Variants in PABPC1 observed in about 807,000 individuals in gnomAD.
The protein encoded by PABPC1 is poly(A) binding protein cytoplasmic 1.
PABPC1 carries 4 observed loss-of-function variants against 74.0 expected under a neutral mutation model. That is an observed-to-expected ratio of 0.05 (90% CI 0.03 to 0.12). The LOEUF (loss-of-function observed/expected upper bound fraction) is 0.12, where lower values mean the gene tolerates loss of function less well. Ranked by LOEUF, PABPC1 falls within the 10% of genes least tolerant of loss-of-function variation. The pLI is 1.00. For synonymous variants in PABPC1, 227 were observed against 264.1 expected (o/e 0.86, Z 1.36); for missense variants, 271 against 821.1 (o/e 0.33, Z 8.19).
rs1810822381 is a variant in PABPC1, at chr8:100,721,314, G to C, written c.193+77C>G. On this transcript the variant is annotated intron_variant, in intron 1 of 14. Transcript: ENST00000318607. This position sits in a 1 kb window ranked among gnomAD's most constrained non-coding sequence, Gnocchi z 7.4. ...CCCGCCCCCCTCCCCGGGCCCGCCG[G>C]CCTACCCCGCCCGCCGCCGCCGCCC... The C allele has an allele frequency of 1.3e-6, 1 of 777,078 alleles. No homozygotes were observed. The highest frequency in any genetic ancestry group is 1.6e-6 in the Non-Finnish European group (1 of 608,252). The allele number at this position is 777,078 out of a possible 1,614,324, so 48.1% of individuals were successfully genotyped here. A position where few individuals can be genotyped will look rare whatever the true frequency, so the allele number is the denominator to read the frequency against.
At chr8:100,703,512 G>T (rs1489663461) in intron 14 of PABPC1, among the ~76,000 whole-genome samples, 153 bp from the exon 15 acceptor site, 5 of 152,156 alleles carry the variant, frequency 3.3e-5, no homozygotes, top group African/African-American at 1.2e-4. Context: ...ATCTATGGTT[G>T]TCTTGACATG....
intron 7 of PABPC1, among the ~76,000 whole-genome samples, chr8:100,710,671 C>A (rs542117918): frequency 6.6e-6 from 1 of 152,152 alleles, no homozygotes; most frequent in Non-Finnish European, 1.5e-5. Context: ...GTGGAAAATT[C>A]GAAGAAAATA....
rs1214358090 is a variant in PABPC1 at position 100,705,686 on chromosome 8, TGA to T, written c.1603-15_1603-14del. On this transcript the variant is annotated splice_polypyrimidine_tract_variant and intron_variant, in intron 11 of 14. Transcript: ENST00000318607. ...CATGAACAGCAGGCTAGACAGAAAA[TGA>T]GAACTCTTAAGTTTAAAGCACAGAA... 3 of 1,564,882 alleles carry T rather than the reference TGA, an allele frequency of 1.9e-6. No homozygotes were observed. The Middle Eastern group carries it at 5.0e-4, about 262-fold the overall frequency.
intron 4 of PABPC1, among the ~76,000 whole-genome samples, chr8:100,714,215 C>T (rs969253685): frequency 5.9e-5 from 9 of 152,224 alleles, no homozygotes; most frequent in African/African-American, 1.9e-4. Context: ...CAGCATTACT[C>T]ATACGGTAGG....
At position 100,709,268 on chromosome 8, in the gene PABPC1, G is replaced by A. The variant is rs752151369; in HGVS notation, c.1246-45C>T. The A allele has an allele frequency of 3.2e-6, 5 of 1,538,504 alleles. No homozygotes were observed. In the African/African-American group the frequency reaches 4.1e-5, roughly 13 times the overall value. ...ATGAGTTTATCAGTTGAAGAAAAAA[G>A]CAAATAATGCAATAAATTATATGTA... On this transcript the variant is annotated intron_variant, in intron 8 of 14. Coordinates refer to ENST00000318607, the MANE Select transcript of PABPC1 (RefSeq NM_002568.4).
At chr8:100,713,028 C>T (rs1281855409) in intron 5 of PABPC1, 59 bp downstream of exon 5, 3 of 1,253,026 alleles carry the variant, frequency 2.4e-6, no homozygotes, top group African/African-American at 3.0e-5. Flanking sequence ...ACATAGACTT[C>T]AACACAAGAG....
intron 4 of PABPC1, among the ~76,000 whole-genome samples, chr8:100,713,418 T>G (rs1351332880): frequency 6.6e-6 from 1 of 152,214 alleles, no homozygotes; most frequent in African/African-American, 2.4e-5. Context: ...GGAGGTACAC[T>G]TTAAACGGCT....
chr8:100,705,721 G>T, intron 11 of PABPC1, 48 bp from the exon 12 acceptor site: 1 of 1,245,170 alleles, frequency 8.0e-7, no homozygotes, highest in Non-Finnish European at 1.2e-6. Context: ...GAAAAAGATG[G>T]CAAATACAAA....
rs1377549865 is a variant in PABPC1, at chr8:100,721,804, G to A, written c.-221C>T. 4.8e-6 allele frequency: 2 copies of A among 419,774 alleles called. No individual in the cohort carries two copies. The highest frequency in any genetic ancestry group is 8.5e-6 in the Non-Finnish European group (2 of 235,612). 26.0% of individuals were successfully genotyped at this position (419,774 alleles called of 1,614,324 possible). On this transcript the variant is annotated 5_prime_UTR_variant, in exon 1 of 15. Coordinates refer to ENST00000318607, the MANE Select transcript of PABPC1 (RefSeq NM_002568.4). The surrounding 1 kb of genome is among the most constrained non-coding windows in gnomAD (Gnocchi z 7.4). The stretch of plus-strand genomic sequence containing the variant: ...GGCGGGGAGCGAGGGTGGCGGTGTC[G>A]GGTCCGGGCAGCGGGAAGGCCTCGG...
chr8:100,713,006 C>A, intron 5 of PABPC1, 81 bp downstream of exon 5: 1 of 1,063,392 alleles, frequency 9.4e-7, no homozygotes, highest in South Asian at 1.6e-5. Flanking sequence ...TGTCAAATAG[C>A]TATTAGTATG....
chr8:100,721,709 CAACCGGAATTGAA>C lies in PABPC1; in HGVS notation c.-139_-127del. ...GGAGCAAGCGCAGAGGGACAAAAAT[CAACCGGAATTGAA>C]AACTACTCAACGGCCGCAGAACGGG... On this transcript the variant is annotated 5_prime_UTR_variant, in exon 1 of 15. Transcript: ENST00000318607. The surrounding 1 kb of genome is among the most constrained non-coding windows in gnomAD (Gnocchi z 7.4). The C allele has an allele frequency of 1.2e-6, 1 of 810,350 alleles. No individual in the cohort carries two copies. Among genetic ancestry groups the C allele is most frequent in the East Asian group, 3.1e-5 (1 of 31,812 alleles). The allele number at this position is 810,350 out of a possible 1,614,324, so 50.2% of individuals were successfully genotyped here.
intron 14 of PABPC1, 78 bp downstream of exon 14, chr8:100,704,219 T>C: frequency 1.8e-6 from 2 of 1,128,910 alleles, no homozygotes; most frequent in Non-Finnish European, 2.7e-6. Context: ...GCTATGTACA[T>C]TTCAAAATAT....
chr8:100,716,785 A>G (rs143704541), intron 3 of PABPC1, among the ~76,000 whole-genome samples: 140 of 152,352 alleles, frequency 9.2e-4, no homozygotes, highest in African/African-American at 3.3e-3. Context: ...CCTTGGCTCA[A>G]GCATCCTGCC....
At chr8:100,715,158 C>CACAT (rs1234644734) in intron 4 of PABPC1, among the ~76,000 whole-genome samples, 273 of 76,212 alleles carry the variant, frequency 3.6e-3, no homozygotes, top group African/African-American at 0.011. Flanking sequence ...CACACACACA[C>CACAT]ATATATATCT....
intron 7 of PABPC1, 42 bp from the exon 8 acceptor site, chr8:100,709,773 T>C: frequency 6.5e-7 from 1 of 1,541,462 alleles, no homozygotes; most frequent in Non-Finnish European, 8.7e-7. Context: ...AATGGTAGAA[T>C]GAGGAGCAAA....
Position 100,721,663 on chromosome 8 carries a change from G to T in PABPC1, c.-80C>A. 1 of 1,131,780 alleles carries T rather than the reference G, an allele frequency of 8.8e-7. No homozygotes were observed. Among genetic ancestry groups the T allele is most frequent in the Non-Finnish European group, 1.2e-6 (1 of 848,662 alleles). The allele number at this position is 1,131,780 out of a possible 1,614,324, so 70.1% of individuals were successfully genotyped here. A position where few individuals can be genotyped will look rare whatever the true frequency, so the allele number is the denominator to read the frequency against. On this transcript the variant is annotated 5_prime_UTR_variant, in exon 1 of 15. Coordinates refer to ENST00000318607, the MANE Select transcript of PABPC1 (RefSeq NM_002568.4). This position sits in a 1 kb window ranked among gnomAD's most constrained non-coding sequence, Gnocchi z 7.4. Reference sequence around the variant, plus strand: ...GAGCGAGTGCCGGGGCTGGGGGCCGGAGCCGGGGGGAGGGGAGCGGGGAGC... The same window carrying T: ...GAGCGAGTGCCGGGGCTGGGGGCCGTAGCCGGGGGGAGGGGAGCGGGGAGC...
Position 100,709,894 on chromosome 8 carries a change from A to T in PABPC1, c.973-163T>A. ...ATTGAGTTCACAATTTTTCCTTAATACCCAATTATTAAGGGCAAACTACAC... is the reference window on the plus strand; with the variant it reads ...ATTGAGTTCACAATTTTTCCTTAATTCCCAATTATTAAGGGCAAACTACAC... On this transcript the variant is annotated intron_variant, in intron 7 of 14. Coordinates refer to ENST00000318607, the MANE Select transcript of PABPC1 (RefSeq NM_002568.4). The T allele has an allele frequency of 5.1e-6, 4 of 791,328 alleles. No homozygotes were observed. In the East Asian group the frequency reaches 1.1e-4, roughly 22 times the overall value. 49.0% of individuals were successfully genotyped at this position (791,328 alleles called of 1,614,324 possible). A position where few individuals can be genotyped will look rare whatever the true frequency, so the allele number is the denominator to read the frequency against.
rs1810815100 is a variant in PABPC1 at position 100,721,147 on chromosome 8, C to A, written c.193+244G>T. ...GCGTCATCACCCTAAAGTTTGAGAG[C>A]GTCTGAGGCCGAGAAAATGGTCGCA... On this transcript the variant is annotated intron_variant, in intron 1 of 14. Transcript: ENST00000318607. The surrounding 1 kb of genome is among the most constrained non-coding windows in gnomAD (Gnocchi z 7.4). Among the ~76,000 whole-genome samples, 2 of 152,110 alleles carry A rather than the reference C, an allele frequency of 1.3e-5. No individual in the cohort carries two copies. The highest frequency in any genetic ancestry group is 6.5e-5 in the Admixed American group (1 of 15,280).
intron 3 of PABPC1, among the ~76,000 whole-genome samples, chr8:100,716,124 G>A (rs909557446): frequency 5.9e-5 from 9 of 152,100 alleles, no homozygotes. Context: ...AGGATCACTG[G>A]GCTAGGCAGT....
Sources: allele counts gnomAD v4.1 joint callset (sites outside exome capture counted in the v4.1 genomes callset), GRCh38; gene constraint gnomAD v4.1.1; non-coding constraint Gnocchi (gnomAD v3.1); transcripts MANE v1.5; gene names NCBI Gene and HGNC (gene_info 2026-07-23, HGNC 2026-07-21).